PTPRM: variants seen among roughly 807,000 people sequenced by gnomAD.
PTPRM encodes the protein receptor-type tyrosine-protein phosphatase mu.
Under a neutral mutation model 186.7 loss-of-function variants are expected in PTPRM, and 47 were observed. That is an observed-to-expected ratio of 0.25 (90% confidence interval 0.20 to 0.32). The LOEUF is 0.32. Among genes scored for constraint, PTPRM ranks in the 10% least tolerant of loss-of-function variants. PTPRM has a pLI of 1.00. For missense variants in PTPRM, 1,494 were observed against 1,865.0 expected (o/e 0.80, Z 3.66); for synonymous variants, 668 against 674.9 (o/e 0.99, Z 0.16).
At chr18:7,840,665 G>T (rs1029105857) in intron 2 of PTPRM, among the ~76,000 whole-genome samples, 7 of 152,192 alleles carry the variant, frequency 4.6e-5, no homozygotes, top group African/African-American at 1.7e-4. Context: ...GATCAGAAAT[G>T]TGCCGTCAGT....
At chr18:8,045,422 C>T (rs1050612333) in intron 7 of PTPRM, among the ~76,000 whole-genome samples, 6 of 152,316 alleles carry the variant, frequency 3.9e-5, no homozygotes, top group African/African-American at 1.4e-4. Context: ...ATATAGTTCT[C>T]ATCAACTGAT....
intron 19 of PTPRM, among the ~76,000 whole-genome samples, chr18:8,285,284 G>T (rs1237694371): frequency 6.6e-6 from 1 of 152,094 alleles, no homozygotes; most frequent in Non-Finnish European, 1.5e-5. Context: ...ACCTACCTGT[G>T]GTCACACAGT....
intron 7 of PTPRM, among the ~76,000 whole-genome samples, chr18:8,032,791 A>G (rs2086070502): frequency 6.6e-6 from 1 of 152,116 alleles, no homozygotes; most frequent in Non-Finnish European, 1.5e-5. Flanking sequence ...TACATAGGTA[A>G]CCAGAAATGA....
Position 8,079,029 on chromosome 18 carries a change from T to C in PTPRM, c.1551+2465T>C, listed in dbSNP as rs371772115. 1.2e-4 allele frequency among the ~76,000 whole-genome samples: 18 copies of C among 152,342 alleles called. No homozygotes were observed. The East Asian group carries it at 2.9e-3, about 24-fold the overall frequency. On this transcript the variant is annotated intron_variant, in intron 9 of 32. Transcript: ENST00000580170. The stretch of plus-strand genomic sequence containing the variant: ...TGCTGGAAATGAATATGCTGTAGCT[T>C]TAGATTATTCTCTGTTCTCTCTTTG...
At chr18:7,616,446 A>AT (rs2037807200) in intron 1 of PTPRM, among the ~76,000 whole-genome samples, 1 of 152,102 alleles carries the variant, frequency 6.6e-6, no homozygotes, top group Non-Finnish European at 1.5e-5. Flanking sequence ...GGTGTTTCAG[A>AT]CATGCCACAA....
intron 7 of PTPRM, among the ~76,000 whole-genome samples, chr18:8,031,294 C>G (rs2085951757): frequency 6.6e-6 from 1 of 152,100 alleles, no homozygotes; most frequent in African/African-American, 2.4e-5. Flanking sequence ...CAATACTTTG[C>G]AGATAGTGCT....
At chr18:8,255,068 G>C (rs1488497954) in intron 19 of PTPRM, among the ~76,000 whole-genome samples, 1 of 152,336 alleles carries the variant, frequency 6.6e-6, no homozygotes. Context: ...GAAATTGACT[G>C]CCTTTGCATA....
At chr18:7,918,102 G>A (rs1424583763) in intron 4 of PTPRM, among the ~76,000 whole-genome samples, 1 of 147,190 alleles carries the variant, frequency 6.8e-6, no homozygotes, top group African/African-American at 2.5e-5. Flanking sequence ...GTGTGTGTGT[G>A]TGTATGTGTA....
chr18:8,268,683 C>A, intron 19 of PTPRM, among the ~76,000 whole-genome samples: 1 of 152,020 alleles, frequency 6.6e-6, no homozygotes, highest in Middle Eastern at 3.2e-3. Context: ...CCACAAAACA[C>A]TAGCAAGCCA....
chr18:7,617,323 C>T (rs1037963161), intron 1 of PTPRM, among the ~76,000 whole-genome samples: 2 of 152,140 alleles, frequency 1.3e-5, no homozygotes, highest in Non-Finnish European at 2.9e-5. Flanking sequence ...GACTCCTCCT[C>T]GATGTTCAGG....
intron 7 of PTPRM, among the ~76,000 whole-genome samples, chr18:8,024,511 G>A (rs897680784): frequency 3.9e-5 from 6 of 151,998 alleles, no homozygotes; most frequent in African/African-American, 1.5e-4. Flanking sequence ...TAATAACAGT[G>A]ATGCCAGGAC....
chr18:7,793,364 A>G (rs1296120221), intron 2 of PTPRM, among the ~76,000 whole-genome samples: 1 of 152,210 alleles, frequency 6.6e-6, no homozygotes, highest in Non-Finnish European at 1.5e-5. Flanking sequence ...AAATGAGAGA[A>G]TGTGTACAGA....
intron 2 of PTPRM, among the ~76,000 whole-genome samples, chr18:7,817,866 A>C (rs916976560): frequency 6.6e-6 from 1 of 152,144 alleles, no homozygotes; most frequent in Admixed American, 6.5e-5. Context: ...GCTTGGAGTA[A>C]GACTCCCGGA....
intron 1 of PTPRM, among the ~76,000 whole-genome samples, chr18:7,650,758 T>C (rs2038681899): frequency 6.6e-6 from 1 of 151,822 alleles, no homozygotes; most frequent in Non-Finnish European, 1.5e-5. Context: ...GAAGAAACAT[T>C]ATAAAACACA....
rs1176715951 is a variant in PTPRM, at chr18:7,689,594, A to T, written c.74-84555A>T. Among the ~76,000 whole-genome samples, 5 of 152,248 alleles carry T rather than the reference A, an allele frequency of 3.3e-5. No individual in the cohort carries two copies. In the East Asian group the frequency reaches 9.6e-4, roughly 29 times the overall value. ...TCAACTTGATCTCAGGCCTGAAAGT[A>T]ACCAGAATGTTCATGTGTACTGTTC... On this transcript the variant is annotated intron_variant, in intron 1 of 32. Coordinates refer to ENST00000580170, the MANE Select transcript of PTPRM (RefSeq NM_001105244.2).
At chr18:8,193,391 G>A (rs2093733879) in intron 14 of PTPRM, among the ~76,000 whole-genome samples, 1 of 152,192 alleles carries the variant, frequency 6.6e-6, no homozygotes. Context: ...TTGATTATGT[G>A]TAATTTTAAT....
intron 14 of PTPRM, among the ~76,000 whole-genome samples, chr18:8,224,843 TG>T (rs1386979003): frequency 6.6e-6 from 1 of 152,222 alleles, no homozygotes; most frequent in African/African-American, 2.4e-5. Context: ...TGCTGTGAAC[TG>T]GGGCTAGCAC....
At chr18:7,575,676 T>C (rs1018214773) in intron 1 of PTPRM, among the ~76,000 whole-genome samples, 1 of 152,218 alleles carries the variant, frequency 6.6e-6, no homozygotes, top group Admixed American at 6.5e-5. Context: ...TGGGGCCTTC[T>C]TGTAGTAGAC....
At chr18:7,587,451 A>T (rs557322424) in intron 1 of PTPRM, among the ~76,000 whole-genome samples, 19 of 152,172 alleles carry the variant, frequency 1.2e-4, no homozygotes, top group African/African-American at 4.6e-4. Context: ...ATGACCTGTT[A>T]GCTGACAGTT....
Sources: allele counts gnomAD v4.1 joint callset (sites outside exome capture counted in the v4.1 genomes callset), GRCh38; gene constraint gnomAD v4.1.1; transcripts MANE v1.5; gene names NCBI Gene and HGNC (gene_info 2026-07-23, HGNC 2026-07-21).